TMEM182: variants seen among roughly 807,000 people sequenced by gnomAD.
TMEM182 encodes transmembrane protein 182.
Under a neutral mutation model 26.8 loss-of-function variants are expected in TMEM182, and 20 were observed. The observed-to-expected ratio is 0.75, with a 90% CI of 0.53 to 1.09. The LOEUF (loss-of-function observed/expected upper bound fraction) is 1.09. TMEM182 is among the 50% of genes least tolerant of loss of function. TMEM182 has a pLI of 0.00. For synonymous variants in TMEM182, 109 were observed against 102.2 expected, an observed-to-expected ratio of 1.07 and a Z score of -0.40; for missense variants, 277 against 275.5, an observed-to-expected ratio of 1.01 and a Z score of -0.04.
intron 2 of TMEM182, among the ~76,000 whole-genome samples, chr2:102,763,016 A>G (rs1261275855): frequency 6.6e-6 from 1 of 152,216 alleles, no homozygotes; most frequent in Non-Finnish European, 1.5e-5. Flanking sequence ...TGTGAATACT[A>G]TGTTGCAAAT....
At chr2:102,819,224 C>G (rs974291684), downstream of TMEM182, among the ~76,000 whole-genome samples, 6 of 152,096 alleles carry the variant, frequency 3.9e-5, no homozygotes, top group African/African-American at 1.4e-4. Context: ...AATGCTTACA[C>G]AGAGTATTGA....
chr2:102,742,664 G>A (rs1402055031), intron 1 of TMEM182, among the ~76,000 whole-genome samples: 1 of 152,082 alleles, frequency 6.6e-6, no homozygotes, highest in Non-Finnish European at 1.5e-5. Context: ...AGAAAATCTT[G>A]AAATAAGCCA....
intron 4 of TMEM182, among the ~76,000 whole-genome samples, chr2:102,800,563 A>C (rs116505756): frequency 0.015 from 2,354 of 152,244 alleles, 65 homozygotes; most frequent in African/African-American, 0.053. Context: ...TTCCCTTTTC[A>C]AAGTTCCAGT....
chr2:102,807,666 A>T (rs1227323856), intron 4 of TMEM182, among the ~76,000 whole-genome samples: 2 of 152,168 alleles, frequency 1.3e-5, no homozygotes, highest in Non-Finnish European at 2.9e-5. Flanking sequence ...TTTCCCAGAT[A>T]TAATATGGAG....
chr2:102,766,627 C>A (rs1680461297), intron 3 of TMEM182, among the ~76,000 whole-genome samples: 5 of 152,080 alleles, frequency 3.3e-5, no homozygotes, highest in Admixed American at 3.3e-4. Context: ...TCATTGGAAG[C>A]TTTGTACCTG....
At chr2:102,750,792 C>G (rs989721826) in intron 1 of TMEM182, among the ~76,000 whole-genome samples, 2 of 152,156 alleles carry the variant, frequency 1.3e-5, no homozygotes, top group Non-Finnish European at 2.9e-5. Flanking sequence ...TGTGATTGTC[C>G]TTTTTACCCA....
chr2:102,821,464 T>C (rs1375686505), downstream of TMEM182, among the ~76,000 whole-genome samples: 2 of 152,154 alleles, frequency 1.3e-5, no homozygotes, highest in Non-Finnish European at 2.9e-5. Context: ...CGCTCAGCCA[T>C]GTGACATGCC....
At chr2:102,789,642 C>A (rs945929797) in intron 3 of TMEM182, among the ~76,000 whole-genome samples, 1 of 152,140 alleles carries the variant, frequency 6.6e-6, no homozygotes, top group Non-Finnish European at 1.5e-5. Context: ...CCTTAATTAG[C>A]TTTTCCTTGT....
chr2:102,750,525 T>C (rs1679847934), intron 1 of TMEM182, among the ~76,000 whole-genome samples: 1 of 152,212 alleles, frequency 6.6e-6, no homozygotes, highest in African/African-American at 2.4e-5. Flanking sequence ...TGATTGGCCA[T>C]AATAGGGCAT....
chr2:102,788,090 C>T (rs892006815), intron 3 of TMEM182, among the ~76,000 whole-genome samples: 11 of 152,076 alleles, frequency 7.2e-5, no homozygotes, highest in African/African-American at 1.4e-4. Context: ...ACAAGGGTGG[C>T]GGTGGAGAAT....
chr2:102,834,284 C>T (rs780044132), intron 3 of TMEM182: 56 of 651,634 alleles, frequency 8.6e-5, no homozygotes, highest in Middle Eastern at 1.6e-3. Context: ...GCACAACAGT[C>T]TCTGTAAAGA....
intron 1 of TMEM182, among the ~76,000 whole-genome samples, chr2:102,755,938 C>T (rs1185249359): frequency 6.6e-6 from 1 of 152,208 alleles, no homozygotes; most frequent in African/African-American, 2.4e-5. Context: ...TTATGTGAAT[C>T]TCCTTGCAGA....
intron 4 of TMEM182, among the ~76,000 whole-genome samples, chr2:102,802,134 C>T (rs1682167509): frequency 6.6e-6 from 1 of 152,178 alleles, no homozygotes; most frequent in Non-Finnish European, 1.5e-5. Context: ...TGGACGCTGT[C>T]TGTATTTTTG....
intron 3 of TMEM182, among the ~76,000 whole-genome samples, chr2:102,829,735 A>C (rs1230608842): frequency 2.6e-5 from 4 of 151,914 alleles, no homozygotes. Context: ...TTGCCATTGG[A>C]GCTTTCCTGC....
intron 1 of TMEM182, among the ~76,000 whole-genome samples, chr2:102,738,749 A>T (rs2104623344): frequency 6.6e-6 from 1 of 152,322 alleles, no homozygotes; most frequent in Non-Finnish European, 1.5e-5. Context: ...CATTTACAAC[A>T]TATACCGATG....
upstream of TMEM182, chr2:102,757,629 A>G (rs1680083695): frequency 6.6e-6 from 1 of 152,192 alleles, no homozygotes; most frequent in East Asian, 1.9e-4. Flanking sequence ...ATTTTTGACA[A>G]TCAACTTCTT....
intron 3 of TMEM182, among the ~76,000 whole-genome samples, chr2:102,797,074 TTTGA>T (rs1166307367): frequency 6.6e-6 from 1 of 152,216 alleles, no homozygotes; most frequent in Non-Finnish European, 1.5e-5. Context: ...TTCCTTTTTG[TTTGA>T]TTACCATATA....
At chr2:102,780,632 G>T (rs1573526029) in intron 3 of TMEM182, among the ~76,000 whole-genome samples, 1 of 152,160 alleles carries the variant, frequency 6.6e-6, no homozygotes, top group Non-Finnish European at 1.5e-5. Flanking sequence ...CTATCACTGT[G>T]GAGGGTGACC....
intron 3 of TMEM182, among the ~76,000 whole-genome samples, chr2:102,822,945 C>T (rs1431503598): frequency 6.6e-6 from 1 of 152,076 alleles, no homozygotes; most frequent in Non-Finnish European, 1.5e-5. Flanking sequence ...AAACAAAATC[C>T]CTATTGTTCA....
Sources: gnomAD v4.1 joint callset for allele counts (sites outside exome capture counted in the v4.1 genomes callset) on GRCh38, gnomAD v4.1.1 for gene constraint, MANE v1.5 for transcripts, NCBI Gene and HGNC (gene_info 2026-07-23, HGNC 2026-07-21) for gene names.